RAP1GAP2: variants seen among roughly 807,000 people sequenced by gnomAD.
RAP1GAP2 encodes the protein RAP1 GTPase activating protein 2.
In RAP1GAP2, 27 loss-of-function variants were observed where a neutral mutation model predicts 95.0. The observed-to-expected ratio is 0.28, with a 90% confidence interval of 0.21 to 0.39. The LOEUF is 0.39. Among genes scored for constraint, RAP1GAP2 ranks in the 10% least tolerant of loss-of-function variants. The pLI is 1.00. For missense variants in RAP1GAP2, 771 were observed against 970.0 expected, an observed-to-expected ratio of 0.79 and a Z score of 2.72; for synonymous variants, 373 against 380.9, an observed-to-expected ratio of 0.98 and a Z score of 0.24.
Position 3,036,817 on chromosome 17 carries a change from G to A in RAP1GAP2, c.*3456G>A, listed in dbSNP as rs1180798376. 1 of 152,674 alleles carries A rather than the reference G, an allele frequency of 6.5e-6. No individual in the cohort carries two copies. The highest frequency in any genetic ancestry group is 2.4e-5 in the African/African-American group (1 of 41,462). 9.5% of individuals were successfully genotyped at this position (152,674 alleles called of 1,614,324 possible). ...GCTCCCGTGACAAGGCAGGACAAGA[G>A]CCTGTTTCGCTTTCCTCCCTGACCC... is the stretch of plus-strand genomic sequence containing the variant. On this transcript the variant is annotated 3_prime_UTR_variant, in exon 25 of 25. Transcript: ENST00000254695.
chr17:2,831,995 G>C (rs751855787), intron 2 of RAP1GAP2, among the ~76,000 whole-genome samples: 69 of 151,448 alleles, frequency 4.6e-4, no homozygotes, highest in Non-Finnish European at 8.8e-4. Flanking sequence ...CACGAGGTTA[G>C]GAGTTCGAGA....
chr17:2,807,417 G>T (rs1057408919), intron 2 of RAP1GAP2, among the ~76,000 whole-genome samples: 9 of 152,170 alleles, frequency 5.9e-5, no homozygotes, highest in African/African-American at 1.9e-4. Context: ...GGTTGTCAAG[G>T]ACAGGGGGAG....
intron 2 of RAP1GAP2, among the ~76,000 whole-genome samples, chr17:2,900,512 G>T (rs2041993138): frequency 6.6e-6 from 1 of 151,754 alleles, no homozygotes; most frequent in African/African-American, 2.4e-5. Context: ...TGAGATCTCG[G>T]CTCACTGCAA....
intron 12 of RAP1GAP2, 87 bp from the exon 13 acceptor site, chr17:2,995,250 C>A: frequency 6.8e-7 from 1 of 1,471,932 alleles, no homozygotes; most frequent in Non-Finnish European, 9.4e-7. Flanking sequence ...GTATCCTCTG[C>A]TGCGTATACT....
chr17:2,862,236 C>T (rs1018407631), intron 2 of RAP1GAP2, among the ~76,000 whole-genome samples: 2 of 152,200 alleles, frequency 1.3e-5, no homozygotes, highest in African/African-American at 4.8e-5. Context: ...GGAACTGCCG[C>T]CTGATTGGCA....
At chr17:2,886,329 C>T (rs1036458286) in intron 2 of RAP1GAP2, among the ~76,000 whole-genome samples, 7 of 151,856 alleles carry the variant, frequency 4.6e-5, no homozygotes, top group South Asian at 2.1e-4. Flanking sequence ...CACGCCACCA[C>T]GCCCAGCTAA....
At chr17:2,765,634 T>A (rs1179883852) in intron 1 of RAP1GAP2, among the ~76,000 whole-genome samples, 1 of 151,814 alleles carries the variant, frequency 6.6e-6, no homozygotes, top group Non-Finnish European at 1.5e-5. Flanking sequence ...TCCCAGCTAC[T>A]TGGGAGGCTG....
At chr17:2,776,509 G>A (rs2068502236), upstream of RAP1GAP2, among the ~76,000 whole-genome samples, 1 of 152,106 alleles carries the variant, frequency 6.6e-6, no homozygotes, top group African/African-American at 2.4e-5. Flanking sequence ...GGGAGCTCAG[G>A]ACCCGCTGTA....
At chr17:2,837,404 G>A (rs2071180128) in intron 2 of RAP1GAP2, among the ~76,000 whole-genome samples, 1 of 152,004 alleles carries the variant, frequency 6.6e-6, no homozygotes, top group Admixed American at 6.6e-5. Flanking sequence ...CTCCCCAGGG[G>A]AGCATCAAGG....
chr17:3,019,833 T>C (rs1396014809), intron 18 of RAP1GAP2, among the ~76,000 whole-genome samples: 1 of 152,130 alleles, frequency 6.6e-6, no homozygotes, highest in Non-Finnish European at 1.5e-5. Context: ...CTTGGTGGCC[T>C]CTAGAGGTTG....
At chr17:2,852,117 T>C (rs1044171304) in intron 2 of RAP1GAP2, among the ~76,000 whole-genome samples, 1 of 152,186 alleles carries the variant, frequency 6.6e-6, no homozygotes, top group Non-Finnish European at 1.5e-5. Flanking sequence ...AGAGAAGCTC[T>C]GGGTTGCATG....
Position 2,980,538 on chromosome 17 carries a change from G to T in RAP1GAP2, c.675+173G>T, listed in dbSNP as rs576895178. Among the ~76,000 whole-genome samples the T allele has an allele frequency of 2.0e-5, 3 of 152,284 alleles. No homozygotes were observed. In the East Asian group the frequency reaches 5.8e-4, roughly 29 times the overall value. On this transcript the variant is annotated intron_variant, in intron 9 of 24. Coordinates refer to ENST00000254695, the MANE Select transcript of RAP1GAP2 (RefSeq NM_015085.5). Reference sequence around the variant, plus strand: ...GGGTCTGGGAGGGCTGTGGGCAGATGCCTCTGTCTTTCCTACGCCCTCCAT... The same window carrying T: ...GGGTCTGGGAGGGCTGTGGGCAGATTCCTCTGTCTTTCCTACGCCCTCCAT...
chr17:3,003,332 A>G lies in RAP1GAP2; in HGVS notation c.1201-2037A>G, dbSNP rs1330519764. On this transcript the variant is annotated intron_variant, in intron 14 of 24. Coordinates refer to ENST00000254695, the MANE Select transcript of RAP1GAP2 (RefSeq NM_015085.5). The surrounding 1 kb of genome is among the most constrained non-coding windows in gnomAD (Gnocchi z 4.1). ...GTCCTCATCCTGCCTGCTTGGAAGG[A>G]AAGTCCAGCTCAGCCATCACCAGGA... is the stretch of plus-strand genomic sequence containing the variant. Among the ~76,000 whole-genome samples, 2 of 152,104 alleles carry G rather than the reference A, an allele frequency of 1.3e-5. No homozygotes were observed. The highest frequency in any genetic ancestry group is 6.5e-5 in the Admixed American group (1 of 15,276).
intron 3 of RAP1GAP2, among the ~76,000 whole-genome samples, chr17:2,917,363 C>T (rs1006834174): frequency 8.6e-5 from 13 of 151,790 alleles, no homozygotes; most frequent in Non-Finnish European, 1.2e-4. Flanking sequence ...CTCTGCCTCC[C>T]GGGTTCAAGC....
Position 2,962,791 on chromosome 17 carries a change from C to T in RAP1GAP2, c.246+77C>T, listed in dbSNP as rs555349659. The T allele has an allele frequency of 9.3e-4, 1,267 of 1,364,598 alleles. 2 individuals carry two copies. The highest frequency in any genetic ancestry group is 1.8e-3 in the Middle Eastern group (7 of 3,908). The allele number at this position is 1,364,598 out of a possible 1,614,324, so 84.5% of individuals were successfully genotyped here. On this transcript the variant is annotated intron_variant, in intron 5 of 24. Transcript: ENST00000254695. ...GCGAGAGGAAGGCAGGAGGGGCTGC[C>T]GGGATGCTGGGGTCTTCTGTCTCAC...
At chr17:2,832,557 CAAA>C (rs35663343) in intron 2 of RAP1GAP2, among the ~76,000 whole-genome samples, 6 of 76,730 alleles carry the variant, frequency 7.8e-5, no homozygotes, top group Admixed American at 1.6e-4. Context: ...GACTCCATCT[CAAA>C]AAAAAAAAAA....
intron 2 of RAP1GAP2, among the ~76,000 whole-genome samples, chr17:2,856,937 GTTTC>G (rs2072164015): frequency 1.3e-5 from 2 of 152,214 alleles, no homozygotes; most frequent in African/African-American, 4.8e-5. Flanking sequence ...TGTATCTGGA[GTTTC>G]TTTGTCTCTT....
chr17:2,953,171 A>G lies in RAP1GAP2; in HGVS notation c.166-4588A>G, dbSNP rs543787633. On this transcript the variant is annotated intron_variant, in intron 3 of 24. Transcript: ENST00000254695. ...GGTATGGTCTTCCAGATCATTTTCTATGAATTTATATGCATACATTATATA... is the reference window on the plus strand; with the variant it reads ...GGTATGGTCTTCCAGATCATTTTCTGTGAATTTATATGCATACATTATATA... 1.3e-3 allele frequency among the ~76,000 whole-genome samples: 203 copies of G among 151,834 alleles called. 2 individuals carry two copies. The highest frequency in any genetic ancestry group is 4.7e-3 in the African/African-American group (196 of 41,390).
At chr17:2,834,680 T>C (rs186495492) in intron 2 of RAP1GAP2, among the ~76,000 whole-genome samples, 300 of 152,032 alleles carry the variant, frequency 2.0e-3, no homozygotes, top group African/African-American at 6.7e-3. Flanking sequence ...GCTTGTAGTC[T>C]CAGCTACTCA....
Sources: allele counts gnomAD v4.1 joint callset (sites outside exome capture counted in the v4.1 genomes callset), GRCh38; gene constraint gnomAD v4.1.1; non-coding constraint Gnocchi (gnomAD v3.1); transcripts MANE v1.5; gene names NCBI Gene and HGNC (gene_info 2026-07-23, HGNC 2026-07-21).